Variants in CNOT6L observed in about 807,000 individuals in gnomAD.
CNOT6L encodes the protein CCR4-NOT transcription complex subunit 6 like.
A neutral mutation model predicts 64.0 loss-of-function variants in CNOT6L; 7 were observed. That is an observed-to-expected ratio of 0.11 (90% CI 0.06 to 0.21). The LOEUF is 0.21. Ranked by LOEUF, CNOT6L falls within the 10% of genes least tolerant of loss-of-function variation. The pLI is 1.00. For synonymous variants in CNOT6L, 193 were observed against 243.4 expected (o/e 0.79, Z 1.93); for missense variants, 245 against 669.0 (o/e 0.37, Z 6.99).
chr4:77,726,308 T>A lies in CNOT6L; in HGVS notation c.1314A>T (p.Leu438=), dbSNP rs774836591. 1 of 1,613,822 alleles carries A rather than the reference T, an allele frequency of 6.2e-7. No homozygotes were observed. The change falls in exon 11 of 12, where the codon CTA becomes CTT. Residue 438 remains leucine, a synonymous_variant. Transcript: ENST00000504123. ...AGTTCATAAGACACTCATTGTACCT[T>A]AGTTCCTTGAAGTCTTTATGGTTGT... ...VADNHKDFKE[L]RYNECLMNFS... is the part of the protein sequence containing the mutation.
intron 8 of CNOT6L, among the ~76,000 whole-genome samples, chr4:77,736,868 A>C (rs1200275118): frequency 6.6e-6 from 1 of 152,206 alleles, no homozygotes; most frequent in African/African-American, 2.4e-5. Flanking sequence ...ACATATATTA[A>C]TATAATAAAG....
Position 77,731,374 on chromosome 4 carries a change from A to G in CNOT6L, c.1024+13T>C. ...TGTTTATTTTTAGTAAGAATATTTT[A>G]CATTGCACTCACCTGCTCCAAATAG... On this transcript the variant is annotated intron_variant, in intron 9 of 11. Transcript: ENST00000504123. The G allele has an allele frequency of 6.2e-7, 1 of 1,607,362 alleles. No individual in the cohort carries two copies. The highest frequency in any genetic ancestry group is 1.1e-5 in the South Asian group (1 of 90,212).
At chr4:77,751,151 T>C (rs1724816370) in intron 5 of CNOT6L, among the ~76,000 whole-genome samples, 1 of 152,100 alleles carries the variant, frequency 6.6e-6, no homozygotes, top group Non-Finnish European at 1.5e-5. Flanking sequence ...TAATTACAAA[T>C]ATCCCTGAAA....
chr4:77,803,404 T>C (rs1731830608), intron 1 of CNOT6L, among the ~76,000 whole-genome samples: 1 of 152,254 alleles, frequency 6.6e-6, no homozygotes, highest in Non-Finnish European at 1.5e-5. Context: ...TGACAAGATG[T>C]ATCAAATATT....
intron 1 of CNOT6L, among the ~76,000 whole-genome samples, chr4:77,781,557 C>T (rs1380225442): frequency 6.6e-6 from 1 of 151,944 alleles, no homozygotes; most frequent in Non-Finnish European, 1.5e-5. Context: ...GAAATACATA[C>T]AAATATACTA....
chr4:77,764,228 A>G (rs1726558221), intron 4 of CNOT6L, among the ~76,000 whole-genome samples: 1 of 152,230 alleles, frequency 6.6e-6, no homozygotes, highest in African/African-American at 2.4e-5. Flanking sequence ...TACCAGCTAA[A>G]CAATAGCTGG....
At chr4:77,753,040 C>T (rs1037254798) in intron 5 of CNOT6L, among the ~76,000 whole-genome samples, 9 of 151,584 alleles carry the variant, frequency 5.9e-5, no homozygotes, top group African/African-American at 1.9e-4. Context: ...ATATTCTGAA[C>T]AACTTTCGGC....
intron 4 of CNOT6L, among the ~76,000 whole-genome samples, chr4:77,769,628 A>G (rs917614934): frequency 6.6e-6 from 1 of 152,144 alleles, no homozygotes; most frequent in African/African-American, 2.4e-5. Flanking sequence ...TATATTTCCC[A>G]GTGCATTTTT....
At chr4:77,728,695 G>C (rs1162085702) in intron 10 of CNOT6L, among the ~76,000 whole-genome samples, 159 bp downstream of exon 10, 1 of 152,088 alleles carries the variant, frequency 6.6e-6, no homozygotes, top group African/African-American at 2.4e-5. Flanking sequence ...TTTGGTAATA[G>C]CTTCTTTATT....
Position 77,819,352 on chromosome 4 carries a change from G to A in CNOT6L, c.-44C>T, listed in dbSNP as rs765492868. The A allele has an allele frequency of 2.5e-6, 4 of 1,612,770 alleles. No individual in the cohort carries two copies. Among genetic ancestry groups the A allele is most frequent in the South Asian group, 2.2e-5 (2 of 91,028 alleles). Reference sequence around the variant, plus strand: ...AAGCAACAGCAGCCATTTCCCCGCGGCAGGGGAAACACACACACAAACACG... The same window carrying A: ...AAGCAACAGCAGCCATTTCCCCGCGACAGGGGAAACACACACACAAACACG... On this transcript the variant is annotated 5_prime_UTR_variant, in exon 1 of 12. Coordinates refer to ENST00000504123, the MANE Select transcript of CNOT6L (RefSeq NM_144571.3).
At chr4:77,807,307 G>T (rs1311766691) in intron 1 of CNOT6L, among the ~76,000 whole-genome samples, 2 of 141,584 alleles carry the variant, frequency 1.4e-5, no homozygotes, top group Non-Finnish European at 3.0e-5. Flanking sequence ...TACAATCTAA[G>T]GCTACAGGGA....
chr4:77,754,957 G>C (rs1038301484), intron 5 of CNOT6L, among the ~76,000 whole-genome samples: 3 of 127,334 alleles, frequency 2.4e-5, no homozygotes, highest in Non-Finnish European at 3.2e-5. Context: ...TCATGATCTT[G>C]TGGTATCAAA....
chr4:77,716,751 A>G lies in CNOT6L; in HGVS notation c.*3680T>C, dbSNP rs1720790648. The G allele has an allele frequency of 6.6e-6, 1 of 152,588 alleles. No individual in the cohort carries two copies. Among genetic ancestry groups the G allele is most frequent in the African/African-American group, 2.4e-5 (1 of 41,454 alleles). 9.5% of individuals were successfully genotyped at this position (152,588 alleles called of 1,614,324 possible). On this transcript the variant is annotated 3_prime_UTR_variant, in exon 12 of 12. Coordinates refer to ENST00000504123, the MANE Select transcript of CNOT6L (RefSeq NM_144571.3). ...AGACACCAAAAAAATAGGGGCAAAT[A>G]AGAAACAGCTTTTATATTTTTGCCA...
Position 77,727,357 on chromosome 4 carries a change from A to T in CNOT6L, c.1253-988T>A, listed in dbSNP as rs1286778175. 3.3e-5 allele frequency among the ~76,000 whole-genome samples: 5 copies of T among 152,168 alleles called. No individual in the cohort carries two copies. In the East Asian group the frequency reaches 9.6e-4, roughly 29 times the overall value. ...GTGGGCGGATCCAGCACCTGAGGTC[A>T]GGAGTTCGAGACCAGCCTGGCCAAC... On this transcript the variant is annotated intron_variant, in intron 10 of 11. Transcript: ENST00000504123.
intron 4 of CNOT6L, among the ~76,000 whole-genome samples, chr4:77,768,490 T>TATATATATAG (rs1727140514): frequency 2.4e-4 from 1 of 4,136 alleles, no homozygotes; most frequent in East Asian, 8.9e-3. Context: ...TATATATATA[T>TATATATATAG]ATATATATAT....
chr4:77,753,338 G>A (rs1283720129), intron 5 of CNOT6L, among the ~76,000 whole-genome samples: 2 of 151,868 alleles, frequency 1.3e-5, no homozygotes, highest in African/African-American at 2.4e-5. Flanking sequence ...TGAAGAAAAA[G>A]AAGTACTGGC....
intron 4 of CNOT6L, among the ~76,000 whole-genome samples, chr4:77,764,678 A>G (rs1726610717): frequency 6.6e-6 from 1 of 152,164 alleles, no homozygotes; most frequent in Non-Finnish European, 1.5e-5. Flanking sequence ...CACAACAGCA[A>G]TCGGCCAACT....
Position 77,748,363 on chromosome 4 carries a change from G to A in CNOT6L, c.512C>T (p.Pro171Leu), listed in dbSNP as rs1209559360. The change falls in exon 6 of 12, where the codon CCG (proline) becomes CTG (leucine). Residue 171 changes from proline to leucine, a missense_variant. Pro to Leu is a moderately conservative substitution (Grantham distance 98). This residue lies in a region of CNOT6L where 94 missense variants were observed against 290.9 expected (regional missense o/e 0.32). Transcript: ENST00000504123. ...NLAVHPEQLP[P>L]RPWITLKERD... ...TTCTTTTAATGTAATCCATGGCCTC[G>A]GAGGAAGCTGCTCTGGATGAACTGA... The A allele has an allele frequency of 6.2e-6, 10 of 1,612,194 alleles. No individual in the cohort carries two copies. Among genetic ancestry groups the A allele is most frequent in the Admixed American group, 1.7e-5 (1 of 59,972 alleles).
chr4:77,730,592 G>A (rs1722337955), intron 9 of CNOT6L, among the ~76,000 whole-genome samples: 1 of 152,032 alleles, frequency 6.6e-6, no homozygotes, highest in Non-Finnish European at 1.5e-5. Flanking sequence ...AAACGGAGGG[G>A]CTAAGAAAAG....
Sources: gnomAD v4.1 joint callset for allele counts (sites outside exome capture counted in the v4.1 genomes callset) on GRCh38, gnomAD v4.1.1 for gene constraint, gnomAD v4.1.1 regional missense constraint, MANE v1.5 for transcripts, NCBI Gene and HGNC (gene_info 2026-07-23, HGNC 2026-07-21) for gene names.